The following INPP4B variants were observed in gnomAD, a reference collection of about 807,000 sequenced individuals.
The protein encoded by INPP4B is inositol polyphosphate 4-phosphatase type II.
Under a neutral mutation model 122.5 loss-of-function variants are expected in INPP4B, and 55 were observed. That is an observed-to-expected ratio of 0.45 (90% CI 0.36 to 0.56). The LOEUF (loss-of-function observed/expected upper bound fraction) is 0.56, where lower values mean the gene tolerates loss of function less well. INPP4B is among the 20% of genes least tolerant of loss of function. INPP4B has a pLI of 0.00. For missense variants in INPP4B, 1,000 were observed against 1,097.7 expected, an observed-to-expected ratio of 0.91 and a Z score of 1.26; for synonymous variants, 403 against 388.7, an observed-to-expected ratio of 1.04 and a Z score of -0.43.
At chr4:142,400,903 G>A (rs1327843046) in intron 7 of INPP4B, among the ~76,000 whole-genome samples, 1 of 152,122 alleles carries the variant, frequency 6.6e-6, no homozygotes, top group African/African-American at 2.4e-5. Context: ...GGAGATTGAA[G>A]GAGATAGAAA....
At chr4:142,175,543 A>C (rs1169938434) in intron 15 of INPP4B, among the ~76,000 whole-genome samples, 3 of 152,140 alleles carry the variant, frequency 2.0e-5, no homozygotes, top group Non-Finnish European at 2.9e-5. Flanking sequence ...GTAGACTTTT[A>C]AATGTCAGAA....
At chr4:142,241,642 AAC>A (rs1292645268) in intron 11 of INPP4B, among the ~76,000 whole-genome samples, 1 of 152,218 alleles carries the variant, frequency 6.6e-6, no homozygotes, top group Non-Finnish European at 1.5e-5. Flanking sequence ...CAACAGAGCC[AAC>A]ACAGATAGAA....
chr4:142,291,450 G>C (rs766040126), intron 9 of INPP4B, among the ~76,000 whole-genome samples: 1 of 152,134 alleles, frequency 6.6e-6, no homozygotes. Context: ...CACGGCCATC[G>C]ACAATCTTCA....
intron 9 of INPP4B, among the ~76,000 whole-genome samples, chr4:142,296,718 A>G (rs578251349): frequency 6.6e-6 from 1 of 152,338 alleles, no homozygotes; most frequent in East Asian, 1.9e-4. Flanking sequence ...GGGCACAGAT[A>G]TGTCTCTAAA....
At chr4:142,124,554 T>C (rs777966051) in intron 19 of INPP4B, 34 bp downstream of exon 19, 13 of 1,582,214 alleles carry the variant, frequency 8.2e-6, no homozygotes, top group Non-Finnish European at 1.1e-5. Context: ...CAATCCGGCA[T>C]TGTTTTGTAC....
intron 2 of INPP4B, among the ~76,000 whole-genome samples, chr4:142,655,835 C>T (rs1173945434): frequency 6.6e-6 from 1 of 152,188 alleles, no homozygotes; most frequent in African/African-American, 2.4e-5. Flanking sequence ...CTTGCACTCT[C>T]AAAAGCCTCT....
chr4:142,038,669 T>C (rs1745450477), intron 25 of INPP4B, among the ~76,000 whole-genome samples: 1 of 152,040 alleles, frequency 6.6e-6, no homozygotes, highest in Admixed American at 6.6e-5. Context: ...ACTGAAGACA[T>C]TGAGAATAAG....
chr4:142,717,907 CAAAAAAA>C (rs33932611), intron 2 of INPP4B, among the ~76,000 whole-genome samples: 2 of 58,548 alleles, frequency 3.4e-5, no homozygotes, highest in Non-Finnish European at 8.1e-5. Context: ...AAAAAGAAAG[CAAAAAAA>C]AAAAAAAAAA....
At chr4:142,188,512 A>ATATAT (rs1188321189) in intron 15 of INPP4B, among the ~76,000 whole-genome samples, 3,255 of 29,690 alleles carry the variant, frequency 0.11, 221 homozygotes, top group South Asian at 0.15. Flanking sequence ...AAAAAAAAAG[A>ATATAT]AAAAAAATAT....
At chr4:142,767,923 C>T (rs1434532934) in intron 1 of INPP4B, 2 of 152,144 alleles carry the variant, frequency 1.3e-5, no homozygotes, top group Middle Eastern at 3.2e-3. Context: ...CTAGTGACTT[C>T]CTGCACTTTA....
At chr4:142,720,731 CATAT>C (rs545001830) in intron 2 of INPP4B, among the ~76,000 whole-genome samples, 18 of 21,148 alleles carry the variant, frequency 8.5e-4, no homozygotes, top group African/African-American at 2.6e-3. Flanking sequence ...TATATATATA[CATAT>C]ATATATATAT....
chr4:142,705,526 A>T (rs1215439606), intron 2 of INPP4B, among the ~76,000 whole-genome samples: 1 of 151,238 alleles, frequency 6.6e-6, no homozygotes, highest in Non-Finnish European at 1.5e-5. Flanking sequence ...CCTGATTTCC[A>T]AGAGTAGATT....
chr4:142,498,820 A>T (rs1021273966), intron 2 of INPP4B, among the ~76,000 whole-genome samples: 1 of 152,160 alleles, frequency 6.6e-6, no homozygotes, highest in Non-Finnish European at 1.5e-5. Flanking sequence ...TGTGTCTTAT[A>T]CTGGCAATTA....
At chr4:142,500,611 G>C (rs960317905) in intron 2 of INPP4B, among the ~76,000 whole-genome samples, 1 of 152,120 alleles carries the variant, frequency 6.6e-6, no homozygotes, top group Admixed American at 6.6e-5. Flanking sequence ...GTTCACCCAC[G>C]GAGGGCATTT....
chr4:142,079,889 T>C (rs1275183193), intron 25 of INPP4B, among the ~76,000 whole-genome samples: 1 of 152,114 alleles, frequency 6.6e-6, no homozygotes, highest in African/African-American at 2.4e-5. Context: ...TTCACAAACA[T>C]AAAACTACAA....
intron 25 of INPP4B, among the ~76,000 whole-genome samples, chr4:142,070,565 CA>C (rs1353498826): frequency 6.6e-6 from 1 of 152,160 alleles, no homozygotes. Context: ...TTGCAGATGA[CA>C]TGATTGTATA....
chr4:142,283,609 C>G (rs377470656), intron 9 of INPP4B, among the ~76,000 whole-genome samples: 1 of 152,058 alleles, frequency 6.6e-6, no homozygotes, highest in South Asian at 2.1e-4. Flanking sequence ...CGTTACTGTA[C>G]TGAATACTAT....
rs544561001 is a variant in INPP4B, at chr4:142,091,196, C to T, written c.2375-4940G>A. On this transcript the variant is annotated intron_variant, in intron 23 of 25. Transcript: ENST00000262992. Reference sequence around the variant, plus strand: ...TGAGCAATGGGTTCCCAAATGTGTGCTATGTATGATTTGTTCTTTTTTGTT... The same window carrying T: ...TGAGCAATGGGTTCCCAAATGTGTGTTATGTATGATTTGTTCTTTTTTGTT... 4.3e-4 allele frequency among the ~76,000 whole-genome samples: 66 copies of T among 152,190 alleles called. No individual in the cohort carries two copies. The South Asian group carries it at 7.5e-3, about 17-fold the overall frequency.
chr4:142,644,806 G>T (rs1340226274), intron 2 of INPP4B, among the ~76,000 whole-genome samples: 2 of 146,062 alleles, frequency 1.4e-5, no homozygotes, highest in East Asian at 2.0e-4. Flanking sequence ...AATCCCAGAG[G>T]CAGGGAGAAT....
Sources: gnomAD v4.1 joint callset for allele counts (sites outside exome capture counted in the v4.1 genomes callset) on GRCh38, gnomAD v4.1.1 for gene constraint, MANE v1.5 for transcripts, NCBI Gene and HGNC (gene_info 2026-07-23, HGNC 2026-07-21) for gene names.